ZNF469: variants seen among roughly 807,000 people sequenced by gnomAD.
ZNF469 encodes zinc finger protein 469.
In ZNF469, 1 loss-of-function variant was observed where a neutral mutation model predicts 1.0. That is an observed-to-expected ratio of 1.00 (90% CI 0.35 to 4.73). The LOEUF (loss-of-function observed/expected upper bound fraction) is 4.73, where lower values mean the gene tolerates loss of function less well. Ranked by LOEUF, ZNF469 falls within the 30% of genes most tolerant of loss-of-function variation. The probability of loss-of-function intolerance (pLI) is 0.16; values close to 1 mark genes in which losing one functional copy is unlikely to be tolerated. For synonymous variants in ZNF469, 2,703 were observed against 2,363.4 expected, an observed-to-expected ratio of 1.14 and a Z score of -4.17; for missense variants, 6,100 against 5,356.3, an observed-to-expected ratio of 1.14 and a Z score of -4.33.
chr16:88,198,280 T>C, the ZNF469 span, among the ~76,000 whole-genome samples: 1 of 152,284 alleles, frequency 6.6e-6, no homozygotes, highest in South Asian at 2.1e-4. Flanking sequence ...CTGTCTCAGA[T>C]GTGGAGGTCA....
chr16:88,182,329 A>T, the ZNF469 span, among the ~76,000 whole-genome samples: 1 of 151,446 alleles, frequency 6.6e-6, no homozygotes, highest in Non-Finnish European at 1.5e-5. Context: ...CAATGGAATC[A>T]CAATCAAAGT....
At chr16:88,165,087 C>T in the ZNF469 span, among the ~76,000 whole-genome samples, 1 of 152,232 alleles carries the variant, frequency 6.6e-6, no homozygotes, top group Admixed American at 6.5e-5. Context: ...TGCCTTTCAT[C>T]CCCTTCATGG....
At chr16:88,183,611 T>C in the ZNF469 span, among the ~76,000 whole-genome samples, 1 of 152,198 alleles carries the variant, frequency 6.6e-6, no homozygotes, top group East Asian at 1.9e-4. Flanking sequence ...AGGTGGTGGT[T>C]GGAGGCCGGG....
the ZNF469 span, among the ~76,000 whole-genome samples, chr16:88,238,579 T>C: frequency 1.3e-5 from 2 of 152,218 alleles, no homozygotes; most frequent in African/African-American, 4.8e-5. Flanking sequence ...GTCCAGGTCC[T>C]CTCTGGGTTG....
chr16:88,381,124 A>G (rs1316764355), upstream of ZNF469, among the ~76,000 whole-genome samples: 1 of 144,722 alleles, frequency 6.9e-6, no homozygotes, highest in Non-Finnish European at 1.5e-5. Flanking sequence ...ACACACGCAC[A>G]CACAGACATG....
At chr16:88,279,024 T>TGCGCCACGCTGACACTCGGTCA in the ZNF469 span, among the ~76,000 whole-genome samples, 4 of 151,696 alleles carry the variant, frequency 2.6e-5, no homozygotes, top group African/African-American at 9.7e-5. Flanking sequence ...TCATTAGTGC[T>TGCGCCACGCTGACACTCGGTCA]GTACCACGCC....
At chr16:88,285,833 G>T in the ZNF469 span, among the ~76,000 whole-genome samples, 1 of 152,246 alleles carries the variant, frequency 6.6e-6, no homozygotes, top group African/African-American at 2.4e-5. Flanking sequence ...TGCAGTGGTG[G>T]CAAATGCTTT....
In ZNF469 at chr16:88,431,306, A is replaced by C; in HGVS notation, c.3836A>C (p.Lys1279Thr). 1 of 1,549,998 alleles carries C rather than the reference A, an allele frequency of 6.5e-7. No homozygotes were observed. The highest frequency in any genetic ancestry group is 8.7e-7 in the Non-Finnish European group (1 of 1,146,794). ...PPSRHDTGTPKPSGSLANTAP... is the reference protein window; with the variant it reads ...PPSRHDTGTPTPSGSLANTAP... ...AGCAGACATGACACCGGCACCCCCA[A>C]GCCGTCGGGAAGCCTCGCCAACACG... Residue 1279 changes from lysine to threonine, a missense_variant, in exon 3 of 3, where the codon AAG becomes ACG. By Grantham distance (78) the Lys-to-Thr change is moderately conservative (BLOSUM62 -1). Coordinates refer to ENST00000565624, the MANE Select transcript of ZNF469 (RefSeq NM_001367624.2).
At chr16:88,287,223 C>T in the ZNF469 span, among the ~76,000 whole-genome samples, 2 of 152,224 alleles carry the variant, frequency 1.3e-5, no homozygotes, top group Non-Finnish European at 2.9e-5. Flanking sequence ...ATAATACACC[C>T]TTGTGTGAAT....
the ZNF469 span, among the ~76,000 whole-genome samples, chr16:88,238,879 G>C: frequency 6.6e-6 from 1 of 152,248 alleles, no homozygotes; most frequent in Non-Finnish European, 1.5e-5. Context: ...GCTTCTGAAA[G>C]TTCCTGCCCC....
chr16:88,337,711 G>A, the ZNF469 span, among the ~76,000 whole-genome samples: 396 of 152,310 alleles, frequency 2.6e-3, 2 homozygotes, highest in Middle Eastern at 0.014. Context: ...CACCCCACGG[G>A]CGTCAGGGGC....
chr16:88,256,993 T>C, the ZNF469 span, among the ~76,000 whole-genome samples: 1 of 147,434 alleles, frequency 6.8e-6, no homozygotes, highest in Non-Finnish European at 1.5e-5. Flanking sequence ...TTGTTGCCCA[T>C]GCTGGACTGC....
the ZNF469 span, among the ~76,000 whole-genome samples, chr16:88,160,862 G>T: frequency 6.6e-6 from 1 of 152,208 alleles, no homozygotes. Flanking sequence ...GGTTTTAAAG[G>T]CCAGGTGCGA....
rs1269425269 is a variant in ZNF469 at position 88,432,569 on chromosome 16, C to T, written c.5099C>T (p.Ala1700Val). ...TTCCATTTTCAGCCAGTGCAGAAAG[C>T]CGGAGCCTCCAAGACTGGACTTTGC... Reference protein sequence around the residue: ...ANFHFQPVQKAGASKTGLCQA... With the variant: ...ANFHFQPVQKVGASKTGLCQA... The change falls in exon 3 of 3, where the codon GCC becomes GTC. Residue 1700 changes from alanine (A) to valine (V), a missense_variant. Transcript: ENST00000565624. 26 of 1,550,310 alleles carry T rather than the reference C, an allele frequency of 1.7e-5. No individual in the cohort carries two copies. The highest frequency in any genetic ancestry group is 2.3e-5 in the Non-Finnish European group (26 of 1,147,002).
chr16:88,231,918 C>G, the ZNF469 span, among the ~76,000 whole-genome samples: 1 of 152,182 alleles, frequency 6.6e-6, no homozygotes, highest in African/African-American at 2.4e-5. This position sits in a 1 kb window ranked among gnomAD's most constrained non-coding sequence, Gnocchi z 4.5. Flanking sequence ...TCTGAAGGTG[C>G]CCGTGATGGG....
chr16:88,192,022 A>T, the ZNF469 span: 1 of 152,192 alleles, frequency 6.6e-6, no homozygotes, highest in Non-Finnish European at 1.5e-5. Flanking sequence ...CCATGATGGG[A>T]CTGGTGTCCT....
At chr16:88,349,844 C>T in the ZNF469 span, among the ~76,000 whole-genome samples, 55 of 572 alleles carry the variant, frequency 0.096, no homozygotes, top group East Asian at 0.18. Context: ...CCATACACAC[C>T]ACACACAAGT....
At chr16:88,194,742 C>T in the ZNF469 span, 1 of 152,232 alleles carries the variant, frequency 6.6e-6, no homozygotes, top group African/African-American at 2.4e-5. Flanking sequence ...GCTTTTTCCC[C>T]ATGCCAGGAC....
chr16:88,101,334 G>A, the ZNF469 span, among the ~76,000 whole-genome samples: 2 of 152,338 alleles, frequency 1.3e-5, no homozygotes, highest in African/African-American at 2.4e-5. Context: ...AGGCGAATTC[G>A]TTTGGTGGGA....
Sources: gnomAD v4.1 joint callset for allele counts (sites outside exome capture counted in the v4.1 genomes callset) on GRCh38, gnomAD v4.1.1 for gene constraint, Gnocchi (gnomAD v3.1) non-coding constraint, MANE v1.5 for transcripts, NCBI Gene and HGNC (gene_info 2026-07-23, HGNC 2026-07-21) for gene names.